KLHL29: variants seen among roughly 807,000 people sequenced by gnomAD.
KLHL29 encodes kelch like family member 29.
A neutral mutation model predicts 80.4 loss-of-function variants in KLHL29; 21 were observed. The observed-to-expected ratio is 0.26, with a 90% CI of 0.19 to 0.38. KLHL29 has a LOEUF of 0.38. KLHL29 is among the 10% of genes least tolerant of loss of function. The pLI is 1.00. For missense variants in KLHL29, 867 were observed against 1,223.9 expected (o/e 0.71, Z 4.35); for synonymous variants, 511 against 526.8 (o/e 0.97, Z 0.41).
At chr2:23,555,129 C>T (rs556412296) in intron 2 of KLHL29, among the ~76,000 whole-genome samples, 12 of 146,974 alleles carry the variant, frequency 8.2e-5, no homozygotes, top group African/African-American at 2.9e-4. Context: ...CTCCCCCCCC[C>T]CCTCAACTTG....
At chr2:23,624,405 C>T (rs1270984613) in intron 3 of KLHL29, among the ~76,000 whole-genome samples, 1 of 152,178 alleles carries the variant, frequency 6.6e-6, no homozygotes, top group East Asian at 1.9e-4. Context: ...CTTCCCAATC[C>T]CATGCTGATA....
At chr2:23,672,141 G>A (rs991797453) in intron 5 of KLHL29, 2 of 152,270 alleles carry the variant, frequency 1.3e-5, no homozygotes, top group Non-Finnish European at 2.9e-5. Context: ...TTCCTTCCTG[G>A]AACTTTGAAG....
chr2:23,393,106 C>G (rs928747927), intron 1 of KLHL29, among the ~76,000 whole-genome samples: 1 of 152,194 alleles, frequency 6.6e-6, no homozygotes, highest in African/African-American at 2.4e-5. Context: ...AACCACTAAT[C>G]GCTGACCCGG....
At position 23,681,842 on chromosome 2, in the gene KLHL29, CTCTT is replaced by C. The variant is rs1671090934; in HGVS notation, c.941-2553_941-2550del. Among the ~76,000 whole-genome samples, 1 of 152,212 alleles carries C rather than the reference CTCTT, an allele frequency of 6.6e-6. No homozygotes were observed. Among genetic ancestry groups the C allele is most frequent in the Admixed American group, 6.5e-5 (1 of 15,282 alleles). On this transcript the variant is annotated intron_variant, in intron 5 of 13. Transcript: ENST00000486442. The surrounding 1 kb of genome is among the most constrained non-coding windows in gnomAD (Gnocchi z 4.2). ...GTTTGGGCATTAATTCGGCTGGTGA[CTCTT>C]TCTGGAGATACGTGTGAGCATGGCA...
At chr2:23,520,056 T>A (rs1458495925) in intron 2 of KLHL29, among the ~76,000 whole-genome samples, 2 of 152,176 alleles carry the variant, frequency 1.3e-5, no homozygotes. Flanking sequence ...CCCAAGATAT[T>A]TTCCTTTCAC....
chr2:23,489,892 A>T (rs1353272559), intron 2 of KLHL29, among the ~76,000 whole-genome samples: 1 of 152,146 alleles, frequency 6.6e-6, no homozygotes, highest in African/African-American at 2.4e-5. Flanking sequence ...GGAAAGAGGA[A>T]GTCCTCTCAG....
intron 5 of KLHL29, among the ~76,000 whole-genome samples, chr2:23,666,358 T>C (rs1468425275): frequency 6.6e-6 from 1 of 152,136 alleles, no homozygotes; most frequent in Non-Finnish European, 1.5e-5. Context: ...CCAACCCCCT[T>C]GCCAAGCTCC....
At position 23,457,331 on chromosome 2, in the gene KLHL29, G is replaced by C. The variant is rs754387744; in HGVS notation, c.-153-18229G>C. On this transcript the variant is annotated intron_variant, in intron 1 of 13. Coordinates refer to ENST00000486442, the MANE Select transcript of KLHL29 (RefSeq NM_052920.2). The surrounding 1 kb of genome is among the most constrained non-coding windows in gnomAD (Gnocchi z 4.3). ...CTAAGGCAGGCCTTTCCTGTGAGAAGTGGTGGCTTTGAGCTGTGGGGACCT... is the reference window on the plus strand; with the variant it reads ...CTAAGGCAGGCCTTTCCTGTGAGAACTGGTGGCTTTGAGCTGTGGGGACCT... Among the ~76,000 whole-genome samples the C allele has an allele frequency of 6.6e-6, 1 of 152,232 alleles. No homozygotes were observed. The highest frequency in any genetic ancestry group is 1.5e-5 in the Non-Finnish European group (1 of 68,040).
intron 11 of KLHL29, among the ~76,000 whole-genome samples, chr2:23,702,066 G>C (rs1672427567): frequency 2.0e-5 from 3 of 151,206 alleles, no homozygotes; most frequent in Admixed American, 2.0e-4. Flanking sequence ...CAGATGATCC[G>C]CCCACCTCGG....
At chr2:23,622,730 G>A (rs971394846) in intron 3 of KLHL29, among the ~76,000 whole-genome samples, 27 of 152,334 alleles carry the variant, frequency 1.8e-4, no homozygotes, top group Admixed American at 1.7e-3. Context: ...GCATTCAACC[G>A]GACGCCAGCC....
At chr2:23,421,604 C>G (rs1662808567) in intron 1 of KLHL29, among the ~76,000 whole-genome samples, 1 of 134,232 alleles carries the variant, frequency 7.4e-6, no homozygotes, top group Non-Finnish European at 1.6e-5. Flanking sequence ...GTCGGCATGT[C>G]TGCTTTGTGT....
At chr2:23,444,743 T>C (rs1354126986) in intron 1 of KLHL29, among the ~76,000 whole-genome samples, 1 of 152,230 alleles carries the variant, frequency 6.6e-6, no homozygotes, top group East Asian at 1.9e-4. Flanking sequence ...ACAATAAAAC[T>C]ACCAAGTGAA....
chr2:23,680,737 C>T lies in KLHL29; in HGVS notation c.941-3662C>T, dbSNP rs929148012. On this transcript the variant is annotated intron_variant, in intron 5 of 13. Transcript: ENST00000486442. The surrounding 1 kb of genome is among the most constrained non-coding windows in gnomAD (Gnocchi z 4.1). ...CCCTGGGGTCTCTAGGCCATCTTCC[C>T]CTGGGGTCTCTAGGCCATCTTCTCC... Among the ~76,000 whole-genome samples, 5 of 147,138 alleles carry T rather than the reference C, an allele frequency of 3.4e-5. 1 individual carries two copies. The highest frequency in any genetic ancestry group is 1.3e-4 in the African/African-American group (5 of 39,226).
intron 2 of KLHL29, among the ~76,000 whole-genome samples, chr2:23,541,765 C>CAAAAAAAAAAAAAAAAAAAAAAAAAAA (rs149080311): frequency 7.1e-6 from 1 of 139,884 alleles, no homozygotes; most frequent in African/African-American, 2.9e-5. Flanking sequence ...AAGCCCAACC[C>CAAAAAAAAAAAAAAAAAAAAAAAAAAA]AAAAAACAAA....
At chr2:23,575,275 C>G (rs1211432826) in intron 3 of KLHL29, among the ~76,000 whole-genome samples, 2 of 152,186 alleles carry the variant, frequency 1.3e-5, no homozygotes, top group African/African-American at 4.8e-5. Flanking sequence ...CCTTAGCTAT[C>G]CATATTCAGA....
rs1040157145 is a variant in KLHL29, at chr2:23,596,578, A to T, written c.285+34097A>T. On this transcript the variant is annotated intron_variant, in intron 3 of 13. Transcript: ENST00000486442. The surrounding 1 kb of genome is among the most constrained non-coding windows in gnomAD (Gnocchi z 4.4). The stretch of plus-strand genomic sequence containing the variant: ...ACCTCACGCTGAGTCATCCTTCTCC[A>T]TAATGGAAGATGAGATTGTGCTGGC... Among the ~76,000 whole-genome samples, 6 of 152,226 alleles carry T rather than the reference A, an allele frequency of 3.9e-5. No individual in the cohort carries two copies. Among genetic ancestry groups the T allele is most frequent in the African/African-American group, 1.4e-4 (6 of 41,454 alleles).
chr2:23,433,340 G>A (rs565623262), intron 1 of KLHL29, among the ~76,000 whole-genome samples: 2 of 152,340 alleles, frequency 1.3e-5, no homozygotes, highest in African/African-American at 2.4e-5. Flanking sequence ...CCCCGGATCC[G>A]AGCTTGGAGG....
At chr2:23,702,197 T>TA (rs1447640237) in intron 11 of KLHL29, among the ~76,000 whole-genome samples, 1 of 152,134 alleles carries the variant, frequency 6.6e-6, no homozygotes, top group Non-Finnish European at 1.5e-5. Context: ...ATGATGGGGT[T>TA]ATGTCCTGAT....
At chr2:23,699,691 C>G (rs191922683) in intron 11 of KLHL29, among the ~76,000 whole-genome samples, 5 of 152,168 alleles carry the variant, frequency 3.3e-5, no homozygotes, top group African/African-American at 1.2e-4. Flanking sequence ...TTTGCCTTCT[C>G]GGCGCCCAGC....
Sources: allele counts gnomAD v4.1 joint callset (sites outside exome capture counted in the v4.1 genomes callset), GRCh38; gene constraint gnomAD v4.1.1; non-coding constraint Gnocchi (gnomAD v3.1); transcripts MANE v1.5; gene names NCBI Gene and HGNC (gene_info 2026-07-23, HGNC 2026-07-21).